PCDH9: variants seen among roughly 807,000 people sequenced by gnomAD.
PCDH9 encodes the protein protocadherin-9.
Under a neutral mutation model 70.6 loss-of-function variants are expected in PCDH9, and 24 were observed. The observed-to-expected ratio is 0.34, with a 90% CI of 0.25 to 0.48. The LOEUF (loss-of-function observed/expected upper bound fraction) is 0.48. PCDH9 is among the 20% of genes least tolerant of loss of function. The probability of loss-of-function intolerance (pLI) is 0.99; values close to 1 mark genes in which losing one functional copy is unlikely to be tolerated. For missense variants in PCDH9, 1,281 were observed against 1,503.6 expected, an observed-to-expected ratio of 0.85 and a Z score of 2.45; for synonymous variants, 562 against 558.5, an observed-to-expected ratio of 1.01 and a Z score of -0.09.
intron 3 of PCDH9, among the ~76,000 whole-genome samples, chr13:66,804,805 G>C (rs528561545): frequency 6.6e-5 from 10 of 152,028 alleles, no homozygotes; most frequent in Non-Finnish European, 1.5e-4. Context: ...AGTTTGTGGG[G>C]TTTTTTTATA....
At chr13:66,994,478 G>T (rs1430374302) in intron 2 of PCDH9, among the ~76,000 whole-genome samples, 2 of 152,210 alleles carry the variant, frequency 1.3e-5, no homozygotes, top group Admixed American at 1.3e-4. Flanking sequence ...AAGCTGGTGG[G>T]TTTGGAGCTG....
chr13:67,167,578 C>T (rs2088155278), intron 2 of PCDH9, among the ~76,000 whole-genome samples: 2 of 152,032 alleles, frequency 1.3e-5, no homozygotes, highest in South Asian at 4.1e-4. Flanking sequence ...ATATCTTTTT[C>T]TTTACAGTGT....
intron 2 of PCDH9, among the ~76,000 whole-genome samples, chr13:67,048,033 T>G (rs2085255736): frequency 6.6e-6 from 1 of 152,222 alleles, no homozygotes. Flanking sequence ...ATGTTCCTGC[T>G]ATGTCTGCCA....
At chr13:66,546,340 C>T (rs1961198669) in intron 4 of PCDH9, among the ~76,000 whole-genome samples, 1 of 152,028 alleles carries the variant, frequency 6.6e-6, no homozygotes, top group South Asian at 2.1e-4. Flanking sequence ...TACAGATGAT[C>T]CTGACCTTAT....
At chr13:67,002,923 T>G (rs1331840798) in intron 2 of PCDH9, among the ~76,000 whole-genome samples, 2 of 152,110 alleles carry the variant, frequency 1.3e-5, no homozygotes, top group Non-Finnish European at 2.9e-5. Flanking sequence ...TTTTTTCATT[T>G]TCAGCCATCT....
intron 4 of PCDH9, among the ~76,000 whole-genome samples, chr13:66,580,851 CA>C (rs2076881985): frequency 6.6e-6 from 1 of 151,932 alleles, no homozygotes; most frequent in Admixed American, 6.6e-5. Flanking sequence ...AAGCTGATGT[CA>C]AAAATAACTG....
chr13:66,864,695 C>T (rs1488251801), intron 3 of PCDH9, among the ~76,000 whole-genome samples: 1 of 152,226 alleles, frequency 6.6e-6, no homozygotes, highest in Non-Finnish European at 1.5e-5. Context: ...TCCCACTAAT[C>T]ACAAGGCTCA....
At chr13:66,911,983 T>A (rs1219554177) in intron 2 of PCDH9, among the ~76,000 whole-genome samples, 1 of 152,200 alleles carries the variant, frequency 6.6e-6, no homozygotes, top group Non-Finnish European at 1.5e-5. Flanking sequence ...ATTTCATTAT[T>A]TACTGCGATA....
intron 2 of PCDH9, among the ~76,000 whole-genome samples, chr13:67,045,076 T>G (rs773455895): frequency 2.6e-5 from 4 of 152,056 alleles, no homozygotes; most frequent in African/African-American, 7.2e-5. Flanking sequence ...TCACAGAATA[T>G]AGAGAATTAG....
intron 2 of PCDH9, among the ~76,000 whole-genome samples, chr13:67,095,387 T>C (rs934870532): frequency 1.3e-5 from 2 of 152,200 alleles, no homozygotes; most frequent in African/African-American, 4.8e-5. Context: ...TTTGTTATTA[T>C]TTTTAAAAAG....
chr13:67,116,634 C>T (rs2086781551), intron 2 of PCDH9, among the ~76,000 whole-genome samples: 1 of 152,110 alleles, frequency 6.6e-6, no homozygotes, highest in African/African-American at 2.4e-5. Flanking sequence ...TAATATTTTC[C>T]CATTCTAAGC....
chr13:66,536,982 G>C (rs1960732726), intron 4 of PCDH9, among the ~76,000 whole-genome samples: 1 of 151,980 alleles, frequency 6.6e-6, no homozygotes, highest in Admixed American at 6.6e-5. Context: ...AAATCCCTTG[G>C]GGGTACAACA....
In PCDH9 at chr13:66,817,026, C is replaced by T. The variant is rs182123883; in HGVS notation, c.3138+86478G>A. Among the ~76,000 whole-genome samples the T allele has an allele frequency of 2.7e-5, 4 of 149,602 alleles. No individual in the cohort carries two copies. The East Asian group carries it at 7.8e-4, about 29-fold the overall frequency. ...AAAAAAAAAACACCATTAAAAAATA[C>T]AATAAAAAATAAAAATTTAAAAAGC... On this transcript the variant is annotated intron_variant, in intron 3 of 4. Transcript: ENST00000377865.
At chr13:67,171,532 T>A (rs1410957418) in intron 2 of PCDH9, among the ~76,000 whole-genome samples, 2 of 152,236 alleles carry the variant, frequency 1.3e-5, no homozygotes, top group Non-Finnish European at 2.9e-5. Context: ...TATGATTTCA[T>A]TAAAACTCTT....
chr13:66,321,866 T>C (rs1955761123), intron 4 of PCDH9, among the ~76,000 whole-genome samples: 1 of 151,946 alleles, frequency 6.6e-6, no homozygotes, highest in Non-Finnish European at 1.5e-5. Flanking sequence ...TTGTCATCCA[T>C]TCTTTGTTTA....
At chr13:66,553,625 G>A (rs1432825242) in intron 4 of PCDH9, among the ~76,000 whole-genome samples, 1 of 152,150 alleles carries the variant, frequency 6.6e-6, no homozygotes, top group Non-Finnish European at 1.5e-5. Context: ...TGATTTGAGT[G>A]AATGCCAGGG....
intron 3 of PCDH9, among the ~76,000 whole-genome samples, chr13:66,869,216 A>C (rs997297655): frequency 2.0e-5 from 3 of 152,154 alleles, no homozygotes; most frequent in African/African-American, 7.2e-5. Flanking sequence ...GAAAGGTGAC[A>C]AAATTAAAGC....
chr13:66,457,892 C>T (rs777413866), intron 4 of PCDH9, among the ~76,000 whole-genome samples: 46 of 151,942 alleles, frequency 3.0e-4, no homozygotes, highest in Non-Finnish European at 5.7e-4. Context: ...AATCATAAAA[C>T]AACCTACTCC....
chr13:66,510,029 C>T (rs1959390129), intron 4 of PCDH9, among the ~76,000 whole-genome samples: 1 of 152,100 alleles, frequency 6.6e-6, no homozygotes, highest in South Asian at 2.1e-4. Flanking sequence ...TTCAGTCTAA[C>T]TTTTCAGGAC....
Sources: gnomAD v4.1 joint callset for allele counts (sites outside exome capture counted in the v4.1 genomes callset) on GRCh38, gnomAD v4.1.1 for gene constraint, MANE v1.5 for transcripts, NCBI Gene and HGNC (gene_info 2026-07-23, HGNC 2026-07-21) for gene names.